The following WDR87 variants were observed in gnomAD, a reference collection of about 807,000 sequenced individuals.
The protein encoded by WDR87 is WD repeat-containing protein 87.
Under a neutral mutation model 83.3 loss-of-function variants are expected in WDR87, and 56 were observed. The ratio of observed to expected loss-of-function variants is 0.67; its 90% confidence interval spans 0.54 to 0.84. The LOEUF (loss-of-function observed/expected upper bound fraction) is 0.84, where lower values mean the gene tolerates loss of function less well. Among genes scored for constraint, WDR87 ranks in the 40% least tolerant of loss-of-function variants. The probability of loss-of-function intolerance (pLI) is 0.00; values close to 1 mark genes in which losing one functional copy is unlikely to be tolerated. For synonymous variants in WDR87, 1,173 were observed against 1,250.6 expected (o/e 0.94, Z 1.31); for missense variants, 2,939 against 3,431.9 (o/e 0.86, Z 3.59).
At chr19:37,905,231 CAAA>C (rs556366437) in intron 1 of WDR87, among the ~76,000 whole-genome samples, 9 of 64,016 alleles carry the variant, frequency 1.4e-4, no homozygotes, top group African/African-American at 1.1e-4. Flanking sequence ...ACTCCGTCTC[CAAA>C]AAAAAAAAAA....
In WDR87 at chr19:37,889,644, C is replaced by T. The variant is rs2046185747; in HGVS notation, c.4027G>A (p.Asp1343Asn). Reference protein sequence around the residue: ...LKKESKVLLEDLDWDVVPPEK... With the variant: ...LKKESKVLLENLDWDVVPPEK... ...GGCGGGACTACATCCCAATCAAGGT[C>T]CTCAAGCAGAACCTTACTTTCTTTC... Residue 1343 changes from aspartate to asparagine, a missense_variant, in exon 6 of 6, where the codon GAC (aspartate) becomes AAC (asparagine). Around this residue, in one of 3 missense-constraint regions of WDR87, gnomAD observed 2,160 missense variants for 2,533.1 expected, o/e 0.85. Transcript: ENST00000447313. 8 of 1,551,868 alleles carry T rather than the reference C, an allele frequency of 5.2e-6. No homozygotes were observed. The highest frequency in any genetic ancestry group is 6.1e-6 in the Non-Finnish European group (7 of 1,147,050).
In WDR87 at chr19:37,889,077, C is replaced by T. The variant is rs2046179153; in HGVS notation, c.4594G>A (p.Glu1532Lys). Residue 1532 changes from glutamate (E) to lysine (K), a missense_variant, in exon 6 of 6, where the codon GAG becomes AAG. Physicochemically the swap from Glu to Lys is moderately conservative, Grantham distance 56. This residue lies in a region of WDR87 where 2,160 missense variants were observed against 2,533.1 expected (regional missense o/e 0.85). Transcript: ENST00000447313. ...EEWEKRLLQE[E>K]EKLHQAGEKL... ...TCTCCAGCCTGATGTAGTTTCTCCT[C>T]TTCCTGAAGAAGCCTCTTCTCCCAT... 6.4e-7 allele frequency: 1 copy of T among 1,552,154 alleles called. No homozygotes were observed. The highest frequency in any genetic ancestry group is 8.7e-7 in the Non-Finnish European group (1 of 1,147,104).
At chr19:37,898,706 C>T (rs1455658411) in intron 1 of WDR87, among the ~76,000 whole-genome samples, 2 of 152,216 alleles carry the variant, frequency 1.3e-5, no homozygotes, top group East Asian at 3.8e-4. Context: ...CCAGGACAGA[C>T]ACTTAACGAC....
chr19:37,899,396 GA>G, intron 1 of WDR87, among the ~76,000 whole-genome samples: 1 of 102,766 alleles, frequency 9.7e-6, no homozygotes, highest in East Asian at 3.5e-4. Context: ...TCCAGCCTGG[GA>G]AAGAGTGAGA....
chr19:37,896,435 A>C, intron 2 of WDR87, 127 bp from the exon 3 acceptor site: 1 of 931,996 alleles, frequency 1.1e-6, no homozygotes. Context: ...CTCCTGTTAC[A>C]CTCACACGTG....
intron 2 of WDR87, among the ~76,000 whole-genome samples, chr19:37,897,366 A>G: frequency 6.6e-6 from 1 of 151,318 alleles, no homozygotes; most frequent in Admixed American, 6.6e-5. Flanking sequence ...GGGCTACCAC[A>G]CCCGGCTAAT....
In WDR87 at chr19:37,904,361, C is replaced by CT. The variant is rs754911976; in HGVS notation, c.-47+2137dup. ...TGTCTTTCTTTTGTGTGTGTGTGTGCTTTTTTTTTTTTTTTGAGATGGAGT... is the reference window on the plus strand; with the variant it reads ...TGTCTTTCTTTTGTGTGTGTGTGTGCTTTTTTTTTTTTTTTTGAGATGGAGT... On this transcript the variant is annotated intron_variant, in intron 1 of 5. Coordinates refer to ENST00000447313, the MANE Select transcript of WDR87 (RefSeq NM_001291088.2). Among the ~76,000 whole-genome samples, 1,188 of 130,452 alleles carry CT rather than the reference C, an allele frequency of 9.1e-3. 36 individuals carry two copies. Among genetic ancestry groups the CT allele is most frequent in the East Asian group, 0.083 (363 of 4,376 alleles). 85.6% of individuals were successfully genotyped at this position (130,452 alleles called of 152,430 possible).
Position 37,893,625 on chromosome 19 carries a change from T to C in WDR87, c.2078A>G (p.Asp693Gly). ...AGGCTTAGGGACTTCCAGTACTTCA[T>C]CTGATATGCTCATAAAGGAAAGGCG... ...LTRLSFMSIS[D>G]EVLEVPKPFI... The change falls in exon 4 of 6, where the codon GAT (aspartate) becomes GGT (glycine). Residue 693 changes from aspartate to glycine, a missense_variant. Asp to Gly is a moderately conservative substitution (Grantham distance 94). Coordinates refer to ENST00000447313, the MANE Select transcript of WDR87 (RefSeq NM_001291088.2). 1 of 1,552,132 alleles carries C rather than the reference T, an allele frequency of 6.4e-7. No homozygotes were observed. The highest frequency in any genetic ancestry group is 8.7e-7 in the Non-Finnish European group (1 of 1,147,082).
chr19:37,888,014 G>C lies in WDR87; in HGVS notation c.5657C>G (p.Ala1886Gly), dbSNP rs1455940527. 1 of 1,551,016 alleles carries C rather than the reference G, an allele frequency of 6.4e-7. No homozygotes were observed. Among genetic ancestry groups the C allele is most frequent in the South Asian group, 1.2e-5 (1 of 83,798 alleles). The change falls in exon 6 of 6, where the codon GCC becomes GGC. Residue 1886 changes from alanine (A) to glycine (G), a missense_variant. By Grantham distance (60) the Ala-to-Gly change is moderately conservative. Transcript: ENST00000447313. The part of the protein sequence containing the change: ...KNLAQEKKNL[A>G]QEKEKLAQRK... ...CTGAGCCAATTTTTCCTTCTCCTGG[G>C]CCAGATTCTTCTTTTCCTGAGCCAG...
At chr19:37,891,529 A>G (rs561549906) in intron 5 of WDR87, 23 bp downstream of exon 5, 1 of 1,550,342 alleles carries the variant, frequency 6.5e-7, no homozygotes, top group South Asian at 1.2e-5. Context: ...CCTGAGGCAC[A>G]GACCAGATTA....
At position 37,887,713 on chromosome 19, in the gene WDR87, C is replaced by A; in HGVS notation, c.5958G>T (p.Lys1986Asn). Residue 1986 changes from lysine to asparagine, a missense_variant, in exon 6 of 6, where the codon AAG (lysine) becomes AAT (asparagine). Physicochemically the swap from Lys to Asn is moderately conservative, Grantham distance 94 (BLOSUM62 0). Transcript: ENST00000447313. ...LALEKAMVQG[K>N]KRLRGELDIA... Reference sequence around the variant, plus strand: ...TATCCAACTCTCCTCTGAGCCGTTTCTTTCCTTGGACCATTGCCTTCTCCA... The same window carrying A: ...TATCCAACTCTCCTCTGAGCCGTTTATTTCCTTGGACCATTGCCTTCTCCA... 3 of 1,551,302 alleles carry A rather than the reference C, an allele frequency of 1.9e-6. No individual in the cohort carries two copies. The highest frequency in any genetic ancestry group is 1.2e-5 in the South Asian group (1 of 84,016).
Position 37,886,704 on chromosome 19 carries a change from CTT to C in WDR87, c.6965_6966del (p.Glu2322GlyfsTer24), listed in dbSNP as rs777225153. 13 of 1,453,002 alleles carry C rather than the reference CTT, an allele frequency of 8.9e-6. No homozygotes were observed. Among genetic ancestry groups the C allele is most frequent in the South Asian group, 2.6e-5 (2 of 77,376 alleles). The allele number at this position is 1,453,002 out of a possible 1,614,324, so 90.0% of individuals were successfully genotyped here. On this transcript the variant is annotated frameshift_variant, in exon 6 of 6. Coordinates refer to ENST00000447313, the MANE Select transcript of WDR87 (RefSeq NM_001291088.2). LOFTEE classifies it low-confidence loss of function (END_TRUNC). Reference protein sequence around the residue: ...EEGEEKQVEKEEEEKKKKKKE... With the variant: ...EEGEEKQVEKXEEEKKKKKKE... Reference sequence around the variant, plus strand: ...TTTTTCTTCTTCTTCTTCTCCTCCTCTTCTTTCTCCACTTGCTTCTCCTCCCC... The same window carrying C: ...TTTTTCTTCTTCTTCTTCTCCTCCTCCTTTCTCCACTTGCTTCTCCTCCCC...
rs1403708246 is a variant in WDR87 at position 37,887,171 on chromosome 19, T to C, written c.6500A>G (p.Lys2167Arg). ...LDIKEWDFSEKRSELTKDEKK... is the reference protein window; with the variant it reads ...LDIKEWDFSERRSELTKDEKK... ...CTCATCTTTAGTCAGTTCTGATCGT[T>C]TTTCAGAAAAATCCCACTCTTTGAT... is the stretch of plus-strand genomic sequence containing the variant. The change falls in exon 6 of 6, where the codon AAA becomes AGA. Residue 2167 changes from lysine to arginine, a missense_variant. This residue lies in a region of WDR87 where 2,160 missense variants were observed against 2,533.1 expected (regional missense o/e 0.85). Transcript: ENST00000447313. The C allele has an allele frequency of 6.4e-7, 1 of 1,551,566 alleles. No individual in the cohort carries two copies. The highest frequency in any genetic ancestry group is 8.7e-7 in the Non-Finnish European group (1 of 1,147,018).
In WDR87 at chr19:37,893,277, T is replaced by C. The variant is rs761808927; in HGVS notation, c.2426A>G (p.Tyr809Cys). Residue 809 changes from tyrosine to cysteine, a missense_variant, in exon 4 of 6, where the codon TAC (tyrosine) becomes TGC (cysteine). By Grantham distance (194) the Tyr-to-Cys change is radical. Around this residue, in one of 3 missense-constraint regions of WDR87, gnomAD observed 2,160 missense variants for 2,533.1 expected, o/e 0.85. Coordinates refer to ENST00000447313, the MANE Select transcript of WDR87 (RefSeq NM_001291088.2). The stretch of plus-strand genomic sequence containing the variant: ...AAGCCATTCCCGCCCATGACCAAAG[T>C]AGTATCGCAATATCTGATAGGGGTT... ...GLNPYQILRY[Y>C]FGHGREWLFA... 3 of 1,551,712 alleles carry C rather than the reference T, an allele frequency of 1.9e-6. No individual in the cohort carries two copies. In the South Asian group the frequency reaches 3.6e-5, roughly 18 times the overall value.
rs754787834 is a variant in WDR87 at position 37,888,556 on chromosome 19, G to A, written c.5115C>T (p.Ala1705=). 3.3e-5 allele frequency: 51 copies of A among 1,551,476 alleles called. No individual in the cohort carries two copies. The highest frequency in any genetic ancestry group is 4.2e-5 in the Non-Finnish European group (48 of 1,146,998). ...EKLAQKRKKL[A]KKWEKVAREE... is the part of the protein sequence containing the mutation. ...CTCTAGCCACTTTCTCCCATTTCTT[G>A]GCCAGTTTCTTCCTTTTCTGGGCCA... is the stretch of plus-strand genomic sequence containing the variant. Residue 1705 remains alanine, a synonymous_variant, in exon 6 of 6, where the codon GCC becomes GCT. Coordinates refer to ENST00000447313, the MANE Select transcript of WDR87 (RefSeq NM_001291088.2).
At chr19:37,898,407 A>G in intron 1 of WDR87, 122 bp from the exon 2 acceptor site, 1 of 1,236,450 alleles carries the variant, frequency 8.1e-7, no homozygotes, top group Non-Finnish European at 1.1e-6. Flanking sequence ...AACTGTGCAC[A>G]AGACATACCT....
rs187535289 is a variant in WDR87 at position 37,893,934 on chromosome 19, G to A, written c.1769C>T (p.Ser590Phe). The part of the protein sequence containing the change: ...RLWKFHDFLS[S>F]GSQNGLKFIE... ...GAATTTCAAGCCATTCTGTGACCCA[G>A]AGGACAGAAAATCATGGAACTTCCA... The change falls in exon 4 of 6, where the codon TCT becomes TTT. Residue 590 changes from serine to phenylalanine, a missense_variant. Ser to Phe is a radical substitution (Grantham distance 155). Transcript: ENST00000447313. The A allele has an allele frequency of 1.3e-6, 2 of 1,551,896 alleles. No individual in the cohort carries two copies.
chr19:37,902,279 A>G (rs2046298376), intron 1 of WDR87, among the ~76,000 whole-genome samples: 1 of 151,872 alleles, frequency 6.6e-6, no homozygotes, highest in Non-Finnish European at 1.5e-5. Context: ...CCGTGGCACT[A>G]TCTTGGCTCA....
Position 37,897,125 on chromosome 19 carries a change from A to G in WDR87, c.76-817T>C, listed in dbSNP as rs138364567. Among the ~76,000 whole-genome samples the G allele has an allele frequency of 9.6e-4, 146 of 152,076 alleles. No individual in the cohort carries two copies. The East Asian group carries it at 0.011, about 11-fold the overall frequency. On this transcript the variant is annotated intron_variant, in intron 2 of 5. Coordinates refer to ENST00000447313, the MANE Select transcript of WDR87 (RefSeq NM_001291088.2). Reference sequence around the variant, plus strand: ...ACCCTATCTGGCCTTTAAATTTGACAGAGGACAAGCATTTATACAATATAT... The same window carrying G: ...ACCCTATCTGGCCTTTAAATTTGACGGAGGACAAGCATTTATACAATATAT...
Sources: allele counts gnomAD v4.1 joint callset (sites outside exome capture counted in the v4.1 genomes callset), GRCh38; gene constraint gnomAD v4.1.1; regional missense constraint gnomAD v4.1.1; transcripts MANE v1.5; gene names NCBI Gene and HGNC (gene_info 2026-07-23, HGNC 2026-07-21).